BRIP1: variants seen among roughly 807,000 people sequenced by gnomAD.
BRIP1 encodes the protein Fanconi anemia group J protein.
A neutral mutation model predicts 119.7 loss-of-function variants in BRIP1; 88 were observed. The ratio of observed to expected loss-of-function variants is 0.74; its 90% confidence interval spans 0.62 to 0.88. The LOEUF (loss-of-function observed/expected upper bound fraction) is 0.88, where lower values mean the gene tolerates loss of function less well. Among genes scored for constraint, BRIP1 ranks in the 40% least tolerant of loss-of-function variants. The pLI, the probability that BRIP1 is intolerant of heterozygous loss-of-function variation, is 0.00. For missense variants in BRIP1, 1,259 were observed against 1,455.4 expected, an observed-to-expected ratio of 0.87 and a Z score of 2.20; for synonymous variants, 443 against 496.5, an observed-to-expected ratio of 0.89 and a Z score of 1.43.
Position 61,823,740 on chromosome 17 carries a change from A to AC in BRIP1, c.628-14984dup. Among the ~76,000 whole-genome samples the AC allele has an allele frequency of 6.7e-6, 1 of 148,344 alleles. No individual in the cohort carries two copies. Among genetic ancestry groups the AC allele is most frequent in the Non-Finnish European group, 1.5e-5 (1 of 67,552 alleles). The stretch of plus-strand genomic sequence containing the variant: ...AACCATAGATCCAAAAAGCTCAATG[A>AC]CCCCAAGCACACAATAAACACACAC... On this transcript the variant is annotated intron_variant, in intron 6 of 19. Coordinates refer to ENST00000259008, the MANE Select transcript of BRIP1 (RefSeq NM_032043.3). The surrounding 1 kb of genome is among the most constrained non-coding windows in gnomAD (Gnocchi z 4.8).
rs1481898178 is a variant in BRIP1 at position 61,687,360 on chromosome 17, C to T, written c.2576-1195G>A. On this transcript the variant is annotated intron_variant, in intron 18 of 19. Coordinates refer to ENST00000259008, the MANE Select transcript of BRIP1 (RefSeq NM_032043.3). This position sits in a 1 kb window ranked among gnomAD's most constrained non-coding sequence, Gnocchi z 5.1. ...AAATATCATTGTCTGCTTTTGAAAA[C>T]TTGAAAGAATCTGAGCTCCACCTGC... Among the ~76,000 whole-genome samples, 1 of 152,116 alleles carries T rather than the reference C, an allele frequency of 6.6e-6. No homozygotes were observed. The highest frequency in any genetic ancestry group is 2.4e-5 in the African/African-American group (1 of 41,408).
In BRIP1 at chr17:61,720,592, A is replaced by G. The variant is rs962579546; in HGVS notation, c.2380-4529T>C. Among the ~76,000 whole-genome samples the G allele has an allele frequency of 6.6e-6, 1 of 152,170 alleles. No individual in the cohort carries two copies. The highest frequency in any genetic ancestry group is 2.4e-5 in the African/African-American group (1 of 41,440). Reference sequence around the variant, plus strand: ...ATTGCCCACTGTTCTGAGTAGCATGATGACATCTCATGCTATATCCTGCTC... The same window carrying G: ...ATTGCCCACTGTTCTGAGTAGCATGGTGACATCTCATGCTATATCCTGCTC... On this transcript the variant is annotated intron_variant, in intron 16 of 19. Coordinates refer to ENST00000259008, the MANE Select transcript of BRIP1 (RefSeq NM_032043.3). The surrounding 1 kb of genome is among the most constrained non-coding windows in gnomAD (Gnocchi z 4.3).
chr17:61,752,864 A>C lies in BRIP1; in HGVS notation c.2098-8273T>G, dbSNP rs956711454. On this transcript the variant is annotated intron_variant, in intron 14 of 19. Coordinates refer to ENST00000259008, the MANE Select transcript of BRIP1 (RefSeq NM_032043.3). The surrounding 1 kb of genome is among the most constrained non-coding windows in gnomAD (Gnocchi z 6.2). Reference sequence around the variant, plus strand: ...GATGGGACATGACAGGGAAGGGAGAAAAAGGTTCACAGGTGCTCTGTAGGT... The same window carrying C: ...GATGGGACATGACAGGGAAGGGAGACAAAGGTTCACAGGTGCTCTGTAGGT... Among the ~76,000 whole-genome samples the C allele has an allele frequency of 6.6e-6, 1 of 152,216 alleles. No individual in the cohort carries two copies. The highest frequency in any genetic ancestry group is 2.4e-5 in the African/African-American group (1 of 41,458).
Position 61,834,062 on chromosome 17 carries a change from A to C in BRIP1, c.627+13039T>G, listed in dbSNP as rs1347737389. On this transcript the variant is annotated intron_variant, in intron 6 of 19. Coordinates refer to ENST00000259008, the MANE Select transcript of BRIP1 (RefSeq NM_032043.3). This position sits in a 1 kb window ranked among gnomAD's most constrained non-coding sequence, Gnocchi z 4.4. The stretch of plus-strand genomic sequence containing the variant: ...CGTTCAAAAAAACTTTATTTATAAA[A>C]GCAGGCAGCAGGCTGTATTCTGCCC... 1.3e-5 allele frequency among the ~76,000 whole-genome samples: 2 copies of C among 152,222 alleles called. No individual in the cohort carries two copies. The highest frequency in any genetic ancestry group is 2.9e-5 in the Non-Finnish European group (2 of 68,048).
rs566044906 is a variant in BRIP1, at chr17:61,859,661, C to T, written c.205+135G>A. 1.3e-5 allele frequency: 9 copies of T among 682,730 alleles called. 1 individual carries two copies. The South Asian group carries it at 1.5e-4, about 11-fold the overall frequency. 42.3% of individuals were successfully genotyped at this position (682,730 alleles called of 1,614,324 possible). On this transcript the variant is annotated intron_variant, in intron 3 of 19. Transcript: ENST00000259008. Reference sequence around the variant, plus strand: ...TGAAACTCTTTTGGAAGATTTATAACTTATTTCAAAGAAACATCTTTAAAC... The same window carrying T: ...TGAAACTCTTTTGGAAGATTTATAATTTATTTCAAAGAAACATCTTTAAAC...
intron 16 of BRIP1, among the ~76,000 whole-genome samples, chr17:61,721,560 T>C (rs1277458369): frequency 1.3e-5 from 2 of 152,008 alleles, no homozygotes; most frequent in African/African-American, 2.4e-5. Flanking sequence ...TGAGCCACTG[T>C]GCCTGGCCAA....
chr17:61,861,591 CAA>C lies in BRIP1; in HGVS notation c.-30-24_-30-23del. On this transcript the variant is annotated intron_variant, in intron 1 of 19. Coordinates refer to ENST00000259008, the MANE Select transcript of BRIP1 (RefSeq NM_032043.3). This position sits in a 1 kb window ranked among gnomAD's most constrained non-coding sequence, Gnocchi z 4.5. The stretch of plus-strand genomic sequence containing the variant: ...CTAACTACAACAGAAATGAAAATGT[CAA>C]ATATTGAGACACGCCTTACAAAGAA... The C allele has an allele frequency of 7.3e-7, 1 of 1,364,198 alleles. No homozygotes were observed. The allele number at this position is 1,364,198 out of a possible 1,614,324, so 84.5% of individuals were successfully genotyped here.
rs1056740159 is a variant in BRIP1, at chr17:61,754,609, T to G, written c.2098-10018A>C. ...ATGGCTTAAACAAAAGAAATTTATTTCTTACAGTTATTAGTTTAAGCCACA... is the reference window on the plus strand; with the variant it reads ...ATGGCTTAAACAAAAGAAATTTATTGCTTACAGTTATTAGTTTAAGCCACA... On this transcript the variant is annotated intron_variant, in intron 14 of 19. Transcript: ENST00000259008. This position sits in a 1 kb window ranked among gnomAD's most constrained non-coding sequence, Gnocchi z 4.1. Among the ~76,000 whole-genome samples, 1 of 152,188 alleles carries G rather than the reference T, an allele frequency of 6.6e-6. No homozygotes were observed. The highest frequency in any genetic ancestry group is 2.4e-5 in the African/African-American group (1 of 41,432).
chr17:61,749,719 A>G (rs2077107508), intron 14 of BRIP1, among the ~76,000 whole-genome samples: 1 of 152,200 alleles, frequency 6.6e-6, no homozygotes, highest in African/African-American at 2.4e-5. Flanking sequence ...AACAGTATAT[A>G]TAGAAATGTT....
chr17:61,780,760 C>A lies in BRIP1; in HGVS notation c.1794+80G>T. ...AACAACAACAACAACAAACAACTAT[C>A]TTTAAAAGAGTCAACCACATTTATT... On this transcript the variant is annotated intron_variant, in intron 12 of 19. Coordinates refer to ENST00000259008, the MANE Select transcript of BRIP1 (RefSeq NM_032043.3). This position sits in a 1 kb window ranked among gnomAD's most constrained non-coding sequence, Gnocchi z 5.4. 6.8e-7 allele frequency: 1 copy of A among 1,478,440 alleles called. No homozygotes were observed. 91.6% of individuals were successfully genotyped at this position (1,478,440 alleles called of 1,614,324 possible).
In BRIP1 at chr17:61,823,381, A is replaced by T. The variant is rs1410359891; in HGVS notation, c.628-14624T>A. Among the ~76,000 whole-genome samples the T allele has an allele frequency of 6.6e-6, 1 of 152,224 alleles. No homozygotes were observed. Among genetic ancestry groups the T allele is most frequent in the Non-Finnish European group, 1.5e-5 (1 of 68,034 alleles). ...AGTACTTTTCAGACACTGAATTGTG[A>T]TCTCAGAGAAAAGGAAACAAAGAGG... On this transcript the variant is annotated intron_variant, in intron 6 of 19. Coordinates refer to ENST00000259008, the MANE Select transcript of BRIP1 (RefSeq NM_032043.3). This position sits in a 1 kb window ranked among gnomAD's most constrained non-coding sequence, Gnocchi z 4.8.
At chr17:61,836,603 G>C (rs2078578427) in intron 6 of BRIP1, among the ~76,000 whole-genome samples, 1 of 151,938 alleles carries the variant, frequency 6.6e-6, no homozygotes, top group Non-Finnish European at 1.5e-5. Flanking sequence ...CTAGGTGCAG[G>C]CTCTGTGCCA....
At chr17:61,849,068 C>T (rs2078775778) in intron 5 of BRIP1, 61 bp downstream of exon 5, 1 of 1,570,244 alleles carries the variant, frequency 6.4e-7, no homozygotes, top group African/African-American at 1.4e-5. Context: ...AAACATGATA[C>T]TTGACTACCA....
intron 13 of BRIP1, among the ~76,000 whole-genome samples, chr17:61,779,260 G>T (rs1391347406): frequency 6.6e-6 from 1 of 152,162 alleles, no homozygotes; most frequent in Admixed American, 6.5e-5. Flanking sequence ...ATACACTGTA[G>T]TCTAATGGAA....
chr17:61,708,511 T>C lies in BRIP1; in HGVS notation c.2492+7440A>G, dbSNP rs2061727202. Among the ~76,000 whole-genome samples the C allele has an allele frequency of 6.6e-6, 1 of 152,252 alleles. No homozygotes were observed. Among genetic ancestry groups the C allele is most frequent in the South Asian group, 2.1e-4 (1 of 4,826 alleles). ...TCTTCTGTGGATAAGGAGAGACTAC[T>C]GTACTGTCTGGCCCTTTATAGAAAA... On this transcript the variant is annotated intron_variant, in intron 17 of 19. Coordinates refer to ENST00000259008, the MANE Select transcript of BRIP1 (RefSeq NM_032043.3). This position sits in a 1 kb window ranked among gnomAD's most constrained non-coding sequence, Gnocchi z 4.4.
Position 61,684,275 on chromosome 17 carries a change from G to C in BRIP1, c.2906-135C>G. ...AACTTAGAGCCCCCAACGAATACTA[G>C]TGGATTTTCATCTTGGAACAGAATA... On this transcript the variant is annotated intron_variant, in intron 19 of 19. Transcript: ENST00000259008. The surrounding 1 kb of genome is among the most constrained non-coding windows in gnomAD (Gnocchi z 4.5). The C allele has an allele frequency of 1.0e-6, 1 of 995,894 alleles. No homozygotes were observed. Among genetic ancestry groups the C allele is most frequent in the Non-Finnish European group, 1.4e-6 (1 of 694,246 alleles). 61.7% of individuals were successfully genotyped at this position (995,894 alleles called of 1,614,324 possible).
At chr17:61,788,314 T>C (rs1204443461) in intron 10 of BRIP1, among the ~76,000 whole-genome samples, 2 of 152,052 alleles carry the variant, frequency 1.3e-5, no homozygotes, top group East Asian at 1.9e-4. Flanking sequence ...AATTATAAAA[T>C]TTTATTGAAA....
In BRIP1 at chr17:61,814,442, C is replaced by A. The variant is rs529896372; in HGVS notation, c.628-5685G>T. Reference sequence around the variant, plus strand: ...GACAAACCCTACAGAAAACCAAGAACAGGCAAATCACAGAAGAGAAAAGCT... The same window carrying A: ...GACAAACCCTACAGAAAACCAAGAAAAGGCAAATCACAGAAGAGAAAAGCT... On this transcript the variant is annotated intron_variant, in intron 6 of 19. Transcript: ENST00000259008. The surrounding 1 kb of genome is among the most constrained non-coding windows in gnomAD (Gnocchi z 4.9). Among the ~76,000 whole-genome samples, 2 of 152,140 alleles carry A rather than the reference C, an allele frequency of 1.3e-5. No individual in the cohort carries two copies. Among genetic ancestry groups the A allele is most frequent in the African/African-American group, 4.8e-5 (2 of 41,560 alleles).
At chr17:61,692,951 G>A (rs1252262831) in intron 18 of BRIP1, among the ~76,000 whole-genome samples, 11 of 152,150 alleles carry the variant, frequency 7.2e-5, no homozygotes, top group African/African-American at 2.4e-4. Flanking sequence ...CAATATCCAT[G>A]AGGGGGAAAC....
Sources: gnomAD v4.1 joint callset for allele counts (sites outside exome capture counted in the v4.1 genomes callset) on GRCh38, gnomAD v4.1.1 for gene constraint, Gnocchi (gnomAD v3.1) non-coding constraint, MANE v1.5 for transcripts, NCBI Gene and HGNC (gene_info 2026-07-23, HGNC 2026-07-21) for gene names.